NSUN7: variants seen among roughly 807,000 people sequenced by gnomAD.
The protein encoded by NSUN7 is NOP2/Sun RNA methyltransferase family member 7.
A neutral mutation model predicts 58.5 loss-of-function variants in NSUN7; 39 were observed. The observed-to-expected ratio is 0.67, with a 90% CI of 0.52 to 0.87. The LOEUF is 0.87. Among genes scored for constraint, NSUN7 ranks in the 40% least tolerant of loss-of-function variants. NSUN7 has a pLI of 0.00. For missense variants in NSUN7, 765 were observed against 844.1 expected, an observed-to-expected ratio of 0.91 and a Z score of 1.16; for synonymous variants, 278 against 303.7, an observed-to-expected ratio of 0.92 and a Z score of 0.88.
intron 4 of NSUN7, chr4:40,762,613 T>C (rs1741512231): frequency 6.6e-6 from 1 of 152,110 alleles, no homozygotes; most frequent in South Asian, 2.1e-4. Flanking sequence ...ATGGGAAAAA[T>C]GAGGAACAGA....
chr4:40,766,167 C>A (rs1741713813), intron 4 of NSUN7, among the ~76,000 whole-genome samples: 1 of 151,950 alleles, frequency 6.6e-6, no homozygotes, highest in East Asian at 1.9e-4. Flanking sequence ...GCCAGTTTTC[C>A]AAGGGAATGC....
In NSUN7 at chr4:40,775,936, G is replaced by T. The variant is rs1474136642; in HGVS notation, c.826-113G>T. 5.2e-6 allele frequency: 3 copies of T among 573,136 alleles called. No individual in the cohort carries two copies. Among genetic ancestry groups the T allele is most frequent in the Admixed American group, 3.7e-5 (1 of 27,344 alleles). 35.5% of individuals were successfully genotyped at this position (573,136 alleles called of 1,614,324 possible). ...ATATTAAGATGTTAAAACTAAAATT[G>T]GTTAGGTCTCTAATATTACTATGAG... On this transcript the variant is annotated intron_variant, in intron 6 of 11. Coordinates refer to ENST00000381782, the MANE Select transcript of NSUN7 (RefSeq NM_024677.6). The surrounding 1 kb of genome is among the most constrained non-coding windows in gnomAD (Gnocchi z 4.3).
rs1553919775 is a variant in NSUN7 at position 40,799,073 on chromosome 4, C to CTTTTTGTTTT, written c.1400+174_1400+175insGTTTTTTTTT. Among the ~76,000 whole-genome samples, 21 of 76,206 alleles carry CTTTTTGTTTT rather than the reference C, an allele frequency of 2.8e-4. 3 individuals are homozygous for CTTTTTGTTTT. The highest frequency in any genetic ancestry group is 4.5e-4 in the South Asian group (1 of 2,220). 50.0% of individuals were successfully genotyped at this position (76,206 alleles called of 152,430 possible). On this transcript the variant is annotated intron_variant, in intron 10 of 11. Coordinates refer to ENST00000381782, the MANE Select transcript of NSUN7 (RefSeq NM_024677.6). Reference sequence around the variant, plus strand: ...AACCAAGATTCCATAGGGCCTTTTTCTTTTTTTTTTTTTTTTTTTTTTTTT... The same window carrying CTTTTTGTTTT: ...AACCAAGATTCCATAGGGCCTTTTTCTTTTTGTTTTTTTTTTTTTTTTTTTTTTTTTTTTT...
At chr4:40,770,210 CA>C (rs36059628) in intron 4 of NSUN7, among the ~76,000 whole-genome samples, 66,403 of 94,680 alleles carry the variant, frequency 0.7, 21,140 homozygotes, top group Middle Eastern at 0.77. Flanking sequence ...AACTCCATCT[CA>C]AAAAAAAAAA....
At chr4:40,770,718 A>C (rs1455368163) in intron 4 of NSUN7, among the ~76,000 whole-genome samples, 1 of 152,234 alleles carries the variant, frequency 6.6e-6, no homozygotes, top group Non-Finnish European at 1.5e-5. Flanking sequence ...CAAAAGAAGT[A>C]GTAAAAAGCC....
intron 2 of NSUN7, among the ~76,000 whole-genome samples, chr4:40,754,001 C>T (rs536550375): frequency 2.6e-5 from 4 of 152,042 alleles, no homozygotes; most frequent in East Asian, 3.9e-4. Context: ...TCCCCAGTCT[C>T]GGGTATATCT....
intron 9 of NSUN7, among the ~76,000 whole-genome samples, chr4:40,798,134 T>C (rs149155737): frequency 3.4e-4 from 52 of 152,344 alleles, no homozygotes; most frequent in African/African-American, 1.2e-3. Flanking sequence ...CTCCATAGCA[T>C]TGATCACTTA....
chr4:40,780,811 A>T lies in NSUN7; in HGVS notation c.1036+4552A>T, dbSNP rs1321842759. On this transcript the variant is annotated intron_variant, in intron 7 of 11. Transcript: ENST00000381782. ...CATACACATATATATATATATATAT[A>T]TATTTTTTTTTTTTTTTTTTTTTTT... 7.3e-4 allele frequency among the ~76,000 whole-genome samples: 69 copies of T among 94,086 alleles called. 1 individual carries two copies. The highest frequency in any genetic ancestry group is 1.9e-3 in the South Asian group (6 of 3,134). 61.7% of individuals were successfully genotyped at this position (94,086 alleles called of 152,430 possible).
At chr4:40,769,942 G>A (rs949255115) in intron 4 of NSUN7, among the ~76,000 whole-genome samples, 3 of 152,168 alleles carry the variant, frequency 2.0e-5, no homozygotes, top group African/African-American at 7.2e-5. Flanking sequence ...AGGCGTGGTG[G>A]CTCACGCCTG....
chr4:40,799,496 TAAA>T (rs200893138), intron 10 of NSUN7, among the ~76,000 whole-genome samples: 3 of 142,882 alleles, frequency 2.1e-5, no homozygotes, highest in Admixed American at 6.9e-5. Context: ...CCTGTGTGTT[TAAA>T]AAAAAAAAAA....
Position 40,750,999 on chromosome 4 carries a change from G to A in NSUN7, c.298+8G>A. On this transcript the variant is annotated splice_region_variant and intron_variant, in intron 2 of 11. Transcript: ENST00000381782. The stretch of plus-strand genomic sequence containing the variant: ...CTTTCAGTGCCCTGAAATGTGAGTT[G>A]TGCCAGTCTGGAAGATCAACACTAA... 6.2e-7 allele frequency: 1 copy of A among 1,610,912 alleles called. No individual in the cohort carries two copies. The highest frequency in any genetic ancestry group is 8.5e-7 in the Non-Finnish European group (1 of 1,177,520).
intron 7 of NSUN7, among the ~76,000 whole-genome samples, chr4:40,779,399 C>T (rs1282538412): frequency 1.3e-5 from 2 of 152,058 alleles, no homozygotes; most frequent in East Asian, 1.9e-4. Flanking sequence ...GTCAGGAGAT[C>T]GAGACCATCC....
At position 40,794,944 on chromosome 4, in the gene NSUN7, A is replaced by T. The variant is rs552841785; in HGVS notation, c.1282+468A>T. Among the ~76,000 whole-genome samples, 91 of 152,332 alleles carry T rather than the reference A, an allele frequency of 6.0e-4. 1 individual carries two copies. The highest frequency in any genetic ancestry group is 1.4e-3 in the Admixed American group (22 of 15,306). ...AGATCTCTTGATTTGAAGTTTGAGT[A>T]ACAAGGCGGCACTTTGAGTGATTTA... On this transcript the variant is annotated intron_variant, in intron 9 of 11. Coordinates refer to ENST00000381782, the MANE Select transcript of NSUN7 (RefSeq NM_024677.6).
Position 40,775,129 on chromosome 4 carries a change from C to A in NSUN7, c.825+179C>A. 1 of 358,924 alleles carries A rather than the reference C, an allele frequency of 2.8e-6. No individual in the cohort carries two copies. Among genetic ancestry groups the A allele is most frequent in the East Asian group, 4.4e-5 (1 of 22,618 alleles). The allele number at this position is 358,924 out of a possible 1,614,324, so 22.2% of individuals were successfully genotyped here. On this transcript the variant is annotated intron_variant, in intron 6 of 11. Coordinates refer to ENST00000381782, the MANE Select transcript of NSUN7 (RefSeq NM_024677.6). The surrounding 1 kb of genome is among the most constrained non-coding windows in gnomAD (Gnocchi z 4.3). Reference sequence around the variant, plus strand: ...CTCTACAATCAGTGCATCTGGTTGGCGTCTTTGTCTCATGTGAATTTATAA... The same window carrying A: ...CTCTACAATCAGTGCATCTGGTTGGAGTCTTTGTCTCATGTGAATTTATAA...
intron 2 of NSUN7, among the ~76,000 whole-genome samples, chr4:40,751,353 C>T (rs1306843507): frequency 6.6e-6 from 1 of 151,990 alleles, no homozygotes; most frequent in African/African-American, 2.4e-5. Context: ...AAACTCTGGA[C>T]CTCAAGGAAT....
intron 7 of NSUN7, among the ~76,000 whole-genome samples, chr4:40,785,848 C>T (rs1045648695): frequency 6.6e-6 from 1 of 152,240 alleles, no homozygotes; most frequent in Non-Finnish European, 1.5e-5. Flanking sequence ...ATTGATGATG[C>T]TTACATGCAT....
intron 3 of NSUN7, among the ~76,000 whole-genome samples, chr4:40,760,730 A>C (rs2437325): frequency 1.6e-4 from 24 of 151,776 alleles, no homozygotes; most frequent in South Asian, 1.2e-3. Flanking sequence ...GTGTGGTGGC[A>C]CATGCCTGTA....
At chr4:40,785,447 C>T (rs1206134608) in intron 7 of NSUN7, among the ~76,000 whole-genome samples, 1 of 152,186 alleles carries the variant, frequency 6.6e-6, no homozygotes, top group African/African-American at 2.4e-5. Context: ...GCAACCTCCG[C>T]CTCCCAGGTT....
At chr4:40,799,759 C>A (rs1424860784) in intron 10 of NSUN7, among the ~76,000 whole-genome samples, 2 of 152,068 alleles carry the variant, frequency 1.3e-5, no homozygotes, top group Non-Finnish European at 2.9e-5. Flanking sequence ...TTCTTAGTAC[C>A]CCAAAGTGGT....
Sources: gnomAD v4.1 joint callset for allele counts (sites outside exome capture counted in the v4.1 genomes callset) on GRCh38, gnomAD v4.1.1 for gene constraint, Gnocchi (gnomAD v3.1) non-coding constraint, MANE v1.5 for transcripts, NCBI Gene and HGNC (gene_info 2026-07-23, HGNC 2026-07-21) for gene names.